Variants in BTBD9 observed in about 807,000 individuals in gnomAD.
BTBD9 encodes the protein BTB/POZ domain-containing protein 9.
Under a neutral mutation model 64.3 loss-of-function variants are expected in BTBD9, and 49 were observed. The observed-to-expected ratio is 0.76, with a 90% CI of 0.61 to 0.97. The LOEUF is 0.97. Ranked by LOEUF, BTBD9 falls within the 50% of genes least tolerant of loss-of-function variation. The pLI is 0.00. For synonymous variants in BTBD9, 260 were observed against 274.7 expected, an observed-to-expected ratio of 0.95 and a Z score of 0.53; for missense variants, 598 against 762.1, an observed-to-expected ratio of 0.78 and a Z score of 2.53.
At chr6:38,572,124 G>A (rs1348068065) in intron 6 of BTBD9, among the ~76,000 whole-genome samples, 1 of 151,824 alleles carries the variant, frequency 6.6e-6, no homozygotes, top group Non-Finnish European at 1.5e-5. Context: ...CCTGACTTCT[G>A]TTACTATCAC....
intron 9 of BTBD9, among the ~76,000 whole-genome samples, chr6:38,212,178 C>G (rs1762856574): frequency 6.6e-6 from 1 of 152,196 alleles, no homozygotes; most frequent in Admixed American, 6.5e-5. Flanking sequence ...AAGCCTGGAG[C>G]TCTTTCTGAG....
intron 6 of BTBD9, among the ~76,000 whole-genome samples, chr6:38,402,395 C>A (rs992787209): frequency 6.6e-6 from 1 of 151,844 alleles, no homozygotes; most frequent in African/African-American, 2.4e-5. Flanking sequence ...CCCCCATCCC[C>A]AAAAGAGTTA....
chr6:38,431,341 G>A (rs890198243), intron 6 of BTBD9, among the ~76,000 whole-genome samples: 3 of 152,170 alleles, frequency 2.0e-5, no homozygotes, highest in Non-Finnish European at 4.4e-5. Flanking sequence ...AACACAGTAT[G>A]TGTCCAGTTG....
chr6:38,216,987 C>A lies in BTBD9; in HGVS notation c.1563-24390G>T, dbSNP rs573718384. Among the ~76,000 whole-genome samples, 4 of 152,052 alleles carry A rather than the reference C, an allele frequency of 2.6e-5. No homozygotes were observed. The South Asian group carries it at 8.3e-4, about 32-fold the overall frequency. On this transcript the variant is annotated intron_variant, in intron 9 of 10. Transcript: ENST00000481247. ...ATTTCTAATATGTTCCCAGGTGATG[C>A]TGATGGCCTGGGAGCCACACTTTAA...
intron 6 of BTBD9, among the ~76,000 whole-genome samples, chr6:38,509,562 C>T (rs1772689058): frequency 6.6e-6 from 1 of 152,186 alleles, no homozygotes; most frequent in Admixed American, 6.5e-5. Flanking sequence ...AAATAAAGCA[C>T]TGAAGTGGGT....
chr6:38,494,854 G>A (rs1317676185), intron 6 of BTBD9, among the ~76,000 whole-genome samples: 1 of 152,138 alleles, frequency 6.6e-6, no homozygotes, highest in Non-Finnish European at 1.5e-5. Context: ...AATGAAAAGA[G>A]ATCATAATTC....
intron 1 of BTBD9, among the ~76,000 whole-genome samples, chr6:38,614,010 G>T (rs1300727730): frequency 6.6e-6 from 1 of 152,162 alleles, no homozygotes; most frequent in East Asian, 1.9e-4. Context: ...GACTTTGCTG[G>T]TGAGGAGCCC....
At chr6:38,284,756 A>G (rs1049086588) in intron 8 of BTBD9, among the ~76,000 whole-genome samples, 24 of 152,238 alleles carry the variant, frequency 1.6e-4, no homozygotes, top group Admixed American at 2.6e-4. Context: ...GGATCTATCA[A>G]TAAGTTCAGG....
intron 6 of BTBD9, among the ~76,000 whole-genome samples, chr6:38,501,207 G>T (rs1309392633): frequency 6.6e-6 from 1 of 152,084 alleles, no homozygotes; most frequent in Non-Finnish European, 1.5e-5. Flanking sequence ...GTTAGTGCAG[G>T]TTGAGTATCC....
At chr6:38,266,587 GGAAA>G (rs1448772146) in intron 8 of BTBD9, among the ~76,000 whole-genome samples, 16 of 85,444 alleles carry the variant, frequency 1.9e-4, no homozygotes, top group South Asian at 7.5e-4. Flanking sequence ...AAGAAAGAAA[GGAAA>G]GAAAGGAAAG....
intron 10 of BTBD9, 44 bp downstream of exon 10, chr6:38,192,475 C>A: frequency 1.3e-6 from 2 of 1,532,338 alleles, no homozygotes; most frequent in Non-Finnish European, 1.8e-6. Flanking sequence ...TTTACCTGTA[C>A]ATCATGAAAT....
At chr6:38,324,414 T>C (rs1357880897) in intron 7 of BTBD9, among the ~76,000 whole-genome samples, 1 of 152,222 alleles carries the variant, frequency 6.6e-6, no homozygotes, top group Non-Finnish European at 1.5e-5. Context: ...TTAGAACATC[T>C]ATCATTTCAG....
At chr6:38,605,523 C>T (rs1777402547) in intron 1 of BTBD9, among the ~76,000 whole-genome samples, 1 of 152,178 alleles carries the variant, frequency 6.6e-6, no homozygotes, top group African/African-American at 2.4e-5. Flanking sequence ...ATTAAGTTAA[C>T]ATGTGCTTGC....
chr6:38,408,933 G>A (rs58257452), intron 6 of BTBD9, among the ~76,000 whole-genome samples: 5,158 of 152,278 alleles, frequency 0.034, 295 homozygotes, highest in African/African-American at 0.12. Context: ...TCAGGTACCA[G>A]TGCTATAGAA....
chr6:38,628,810 A>G (rs1424226453), intron 1 of BTBD9, among the ~76,000 whole-genome samples: 2 of 152,180 alleles, frequency 1.3e-5, no homozygotes, highest in Non-Finnish European at 2.9e-5. Context: ...AGTAGCTCTG[A>G]GCACACCTAG....
intron 9 of BTBD9, among the ~76,000 whole-genome samples, chr6:38,204,102 A>G (rs547039328): frequency 6.6e-6 from 1 of 152,284 alleles, no homozygotes; most frequent in East Asian, 1.9e-4. Context: ...AAGAAACTGG[A>G]ACCCCTATAT....
At chr6:38,612,644 G>C (rs1777648597) in intron 1 of BTBD9, among the ~76,000 whole-genome samples, 1 of 152,132 alleles carries the variant, frequency 6.6e-6, no homozygotes, top group Non-Finnish European at 1.5e-5. Context: ...AATCCATGAT[G>C]AGTAACAATG....
intron 6 of BTBD9, among the ~76,000 whole-genome samples, chr6:38,556,388 A>G (rs889663615): frequency 1.3e-5 from 2 of 152,180 alleles, no homozygotes; most frequent in African/African-American, 4.8e-5. Context: ...ATTCAAATGT[A>G]TATCTGACAA....
chr6:38,295,657 T>C (rs1466609888), intron 7 of BTBD9, among the ~76,000 whole-genome samples: 1 of 152,196 alleles, frequency 6.6e-6, no homozygotes, highest in African/African-American at 2.4e-5. Flanking sequence ...TTTCCCCAAA[T>C]AGCATTTAGT....
Sources: allele counts gnomAD v4.1 joint callset (sites outside exome capture counted in the v4.1 genomes callset), GRCh38; gene constraint gnomAD v4.1.1; transcripts MANE v1.5; gene names NCBI Gene and HGNC (gene_info 2026-07-23, HGNC 2026-07-21).